RHOJ: variants seen among roughly 807,000 people sequenced by gnomAD.
RHOJ encodes the protein ras homolog family member J, also known as rho-related GTP-binding protein RhoJ.
Under a neutral mutation model 23.4 loss-of-function variants are expected in RHOJ, and 11 were observed. That is an observed-to-expected ratio of 0.47 (90% CI 0.30 to 0.78). The LOEUF is 0.78. RHOJ is among the 30% of genes least tolerant of loss of function. RHOJ has a pLI of 0.08. For missense variants in RHOJ, 254 were observed against 273.4 expected (o/e 0.93, Z 0.50); for synonymous variants, 102 against 102.7 (o/e 0.99, Z 0.04).
intron 3 of RHOJ, among the ~76,000 whole-genome samples, chr14:63,282,286 GCA>G (rs36227581): frequency 0.069 from 9,177 of 132,860 alleles, 462 homozygotes; most frequent in African/African-American, 0.14. Flanking sequence ...ACAAACACAT[GCA>G]CACACACACA....
At position 63,281,208 on chromosome 14, in the gene RHOJ, T is replaced by C; in HGVS notation, c.402+73T>C. 2 of 1,427,450 alleles carry C rather than the reference T, an allele frequency of 1.4e-6. 1 individual carries two copies. The highest frequency in any genetic ancestry group is 2.8e-5 in the South Asian group (2 of 71,902). The allele number at this position is 1,427,450 out of a possible 1,614,324, so 88.4% of individuals were successfully genotyped here. ...AGACCCTTTAGGTACCTCGTGAACATCCTATTCTGCCAAACGCTATGGAAG... is the reference window on the plus strand; with the variant it reads ...AGACCCTTTAGGTACCTCGTGAACACCCTATTCTGCCAAACGCTATGGAAG... On this transcript the variant is annotated intron_variant, in intron 3 of 4. Transcript: ENST00000316754.
chr14:63,251,858 C>T (rs375903241), intron 1 of RHOJ, among the ~76,000 whole-genome samples: 20 of 152,210 alleles, frequency 1.3e-4, no homozygotes, highest in African/African-American at 4.1e-4. Flanking sequence ...CAGTGGGTCA[C>T]GCCTGTAATC....
intron 1 of RHOJ, among the ~76,000 whole-genome samples, chr14:63,218,494 G>T (rs1393795284): frequency 6.6e-6 from 1 of 152,112 alleles, no homozygotes; most frequent in Non-Finnish European, 1.5e-5. Context: ...AATGAATATG[G>T]TATCATTTTA....
intron 1 of RHOJ, among the ~76,000 whole-genome samples, chr14:63,228,753 G>C (rs568149447): frequency 6.6e-6 from 1 of 152,280 alleles, no homozygotes; most frequent in African/African-American, 2.4e-5. Flanking sequence ...CTGGATAAAT[G>C]AGAAACATGA....
At chr14:63,206,954 G>C (rs1894123713) in intron 1 of RHOJ, among the ~76,000 whole-genome samples, 1 of 152,102 alleles carries the variant, frequency 6.6e-6, no homozygotes, top group South Asian at 2.1e-4. Context: ...TGTGGTTTCA[G>C]TAAGGTTAAA....
chr14:63,284,433 T>C (rs1307893664), intron 4 of RHOJ: 1 of 814,566 alleles, frequency 1.2e-6, no homozygotes, highest in East Asian at 1.2e-4. Context: ...AATAACCCTC[T>C]TAAGCAGATA....
chr14:63,231,394 C>T (rs559312606), intron 1 of RHOJ, among the ~76,000 whole-genome samples: 1 of 152,286 alleles, frequency 6.6e-6, no homozygotes, highest in Admixed American at 6.5e-5. Context: ...AACAACTACT[C>T]AAATAAAGTA....
Position 63,291,084 on chromosome 14 carries a change from G to T in RHOJ, c.*60G>T, listed in dbSNP as rs1302866632. ...ATGAGAATGGCAGCCAATCTCTGTG[G>T]CCAAGCTCCAGCCAAAAAGGAGGGC... On this transcript the variant is annotated 3_prime_UTR_variant, in exon 5 of 5. Transcript: ENST00000316754. 3.1e-6 allele frequency: 5 copies of T among 1,596,426 alleles called. No homozygotes were observed. The highest frequency in any genetic ancestry group is 1.7e-4 in the Middle Eastern group (1 of 6,036).
rs117925620 is a variant in RHOJ, at chr14:63,250,477, G to A, written c.179-18633G>A. Reference sequence around the variant, plus strand: ...TGGTCTCAAACTCTTAGGCTCAAGCGATCTGCCCACCTTGGCCTCCCCAAA... The same window carrying A: ...TGGTCTCAAACTCTTAGGCTCAAGCAATCTGCCCACCTTGGCCTCCCCAAA... On this transcript the variant is annotated intron_variant, in intron 1 of 4. Coordinates refer to ENST00000316754, the MANE Select transcript of RHOJ (RefSeq NM_020663.5). 1.9e-3 allele frequency among the ~76,000 whole-genome samples: 290 copies of A among 152,158 alleles called. 2 individuals carry two copies. The East Asian group carries it at 0.044, about 23-fold the overall frequency.
chr14:63,217,077 CTTTTTTTCTTTT>C (rs1472626146), intron 1 of RHOJ, among the ~76,000 whole-genome samples: 2 of 38,570 alleles, frequency 5.2e-5, no homozygotes, highest in Non-Finnish European at 1.7e-4. Flanking sequence ...CTTTTTTTTT[CTTTTTTTCTTTT>C]TTTTTTTATT....
At chr14:63,247,116 T>G (rs1484620707) in intron 1 of RHOJ, among the ~76,000 whole-genome samples, 1 of 152,186 alleles carries the variant, frequency 6.6e-6, no homozygotes, top group Non-Finnish European at 1.5e-5. Flanking sequence ...ATCTTGGCCT[T>G]GATCTTGGGT....
rs1215797146 is a variant in RHOJ at position 63,292,126 on chromosome 14, G to A, written c.*1102G>A. On this transcript the variant is annotated 3_prime_UTR_variant, in exon 5 of 5. Coordinates refer to ENST00000316754, the MANE Select transcript of RHOJ (RefSeq NM_020663.5). ...CTTAATTTTTCTATTTGCTTCAACT[G>A]AAAGTGCTTCTCAGCTCGCCCCATG... 1 of 152,190 alleles carries A rather than the reference G, an allele frequency of 6.6e-6. No homozygotes were observed. The highest frequency in any genetic ancestry group is 1.5e-5 in the Non-Finnish European group (1 of 68,036). The allele number at this position is 152,190 out of a possible 1,614,324, so 9.4% of individuals were successfully genotyped here.
chr14:63,251,809 T>C (rs1299952348), intron 1 of RHOJ, among the ~76,000 whole-genome samples: 4 of 152,198 alleles, frequency 2.6e-5, no homozygotes, highest in Non-Finnish European at 5.9e-5. Flanking sequence ...CAACTTATTA[T>C]TATCTTATAA....
intron 1 of RHOJ, among the ~76,000 whole-genome samples, chr14:63,219,459 TA>T: frequency 6.6e-6 from 1 of 152,360 alleles, no homozygotes; most frequent in Middle Eastern, 3.4e-3. Flanking sequence ...TTTTCTTATT[TA>T]GTCTTTTTGC....
At chr14:63,269,903 C>T (rs1259389995) in intron 2 of RHOJ, among the ~76,000 whole-genome samples, 2 of 152,164 alleles carry the variant, frequency 1.3e-5, no homozygotes, top group Non-Finnish European at 2.9e-5. Context: ...CACATCGCTA[C>T]GAAGTTTCTC....
At position 63,204,911 on chromosome 14, in the gene RHOJ, G is replaced by A. The variant is rs568587885; in HGVS notation, c.42G>A (p.Arg14=). ...GAACTGACAGCAGCTGCGGCTGCAG[G>A]GGCAACGACGAGAAGAAGATGTTGA... ...KEGTDSSCGC[R]GNDEKKMLKC... The change falls in exon 1 of 5, where the codon AGG becomes AGA. Residue 14 remains arginine, a synonymous_variant. Coordinates refer to ENST00000316754, the MANE Select transcript of RHOJ (RefSeq NM_020663.5). The A allele has an allele frequency of 2.5e-6, 4 of 1,614,124 alleles. No individual in the cohort carries two copies. Among genetic ancestry groups the A allele is most frequent in the East Asian group, 2.2e-5 (1 of 44,872 alleles).
At chr14:63,215,308 C>T (rs970663254) in intron 1 of RHOJ, among the ~76,000 whole-genome samples, 18 of 152,252 alleles carry the variant, frequency 1.2e-4, no homozygotes, top group African/African-American at 4.3e-4. Context: ...AGCCAGTTTA[C>T]AATCACTCTT....
chr14:63,207,279 C>G (rs1342030326), intron 1 of RHOJ, among the ~76,000 whole-genome samples: 1 of 152,120 alleles, frequency 6.6e-6, no homozygotes, highest in African/African-American at 2.4e-5. Context: ...TTCTGCCTGC[C>G]TCAGCCTCCT....
chr14:63,224,784 T>C (rs532536642), intron 1 of RHOJ, among the ~76,000 whole-genome samples: 4 of 152,238 alleles, frequency 2.6e-5, no homozygotes, highest in East Asian at 3.9e-4. Flanking sequence ...ATTCTGACTT[T>C]GGAAGTTAAT....
Sources: allele counts gnomAD v4.1 joint callset (sites outside exome capture counted in the v4.1 genomes callset), GRCh38; gene constraint gnomAD v4.1.1; transcripts MANE v1.5; gene names NCBI Gene and HGNC (gene_info 2026-07-23, HGNC 2026-07-21).